Variants in ASTN1 observed in about 807,000 individuals in gnomAD.
ASTN1 encodes the protein astrotactin-1.
ASTN1 carries 41 observed loss-of-function variants against 140.7 expected under a neutral mutation model. The ratio of observed to expected loss-of-function variants is 0.29; its 90% CI spans 0.23 to 0.38. The LOEUF is 0.38. Among genes scored for constraint, ASTN1 ranks in the 10% least tolerant of loss-of-function variants. The probability of loss-of-function intolerance (pLI) is 1.00; values close to 1 mark genes in which losing one functional copy is unlikely to be tolerated. For missense variants in ASTN1, 1,479 were observed against 1,678.8 expected (o/e 0.88, Z 2.08); for synonymous variants, 640 against 652.2 (o/e 0.98, Z 0.29).
intron 16 of ASTN1, among the ~76,000 whole-genome samples, chr1:176,913,887 G>A (rs1212472526): frequency 2.6e-5 from 4 of 152,214 alleles, no homozygotes; most frequent in Non-Finnish European, 4.4e-5. Flanking sequence ...GGGGGAAGAA[G>A]AAAAGTTTAA....
chr1:176,978,464 G>A (rs1419001821), intron 8 of ASTN1, among the ~76,000 whole-genome samples: 1 of 152,184 alleles, frequency 6.6e-6, no homozygotes, highest in Non-Finnish European at 1.5e-5. Context: ...ATTTGGAAGA[G>A]AAGGGCAATT....
chr1:176,955,965 T>C lies in ASTN1; in HGVS notation c.1887+1713A>G, dbSNP rs542205078. Among the ~76,000 whole-genome samples, 10 of 152,360 alleles carry C rather than the reference T, an allele frequency of 6.6e-5. No individual in the cohort carries two copies. In the East Asian group the frequency reaches 1.9e-3, roughly 29 times the overall value. On this transcript the variant is annotated intron_variant, in intron 11 of 22. Transcript: ENST00000361833. Reference sequence around the variant, plus strand: ...AGGCTCAAATCTGGATGAAGAAATATAAGCTGAATAGCTTTTTTTAAAAGT... The same window carrying C: ...AGGCTCAAATCTGGATGAAGAAATACAAGCTGAATAGCTTTTTTTAAAAGT...
chr1:177,129,009 G>A (rs915990304), intron 1 of ASTN1, among the ~76,000 whole-genome samples: 5 of 152,208 alleles, frequency 3.3e-5, no homozygotes, highest in Admixed American at 6.5e-5. Context: ...AAAGGATGGT[G>A]TTACCATCAG....
chr1:177,098,034 G>C (rs568047942), intron 1 of ASTN1, among the ~76,000 whole-genome samples: 10 of 152,278 alleles, frequency 6.6e-5, no homozygotes, highest in Admixed American at 5.2e-4. Flanking sequence ...GTAAATGTAA[G>C]TAAAGGATTT....
intron 1 of ASTN1, among the ~76,000 whole-genome samples, chr1:177,084,812 T>C (rs1679347366): frequency 6.7e-6 from 1 of 148,754 alleles, no homozygotes; most frequent in Non-Finnish European, 1.5e-5. Context: ...TACTGCCTTC[T>C]TTTTTTTTTC....
intron 5 of ASTN1, among the ~76,000 whole-genome samples, chr1:177,028,419 T>G (rs993787350): frequency 3.3e-5 from 5 of 152,142 alleles, no homozygotes; most frequent in Admixed American, 2.6e-4. Context: ...TGGAAAAACT[T>G]TTATTATACT....
chr1:176,969,566 G>A (rs1673044520), intron 8 of ASTN1, among the ~76,000 whole-genome samples: 2 of 152,116 alleles, frequency 1.3e-5, no homozygotes, highest in African/African-American at 4.8e-5. Context: ...AATGGTAAGA[G>A]TGTTGCCTCA....
chr1:177,155,984 G>A (rs908284238), intron 1 of ASTN1, among the ~76,000 whole-genome samples: 4 of 152,048 alleles, frequency 2.6e-5, no homozygotes, highest in Non-Finnish European at 4.4e-5. Context: ...TTAAAAGAAT[G>A]ATGGGGGCCA....
intron 16 of ASTN1, among the ~76,000 whole-genome samples, chr1:176,923,687 G>GA (rs1055185016): frequency 2.5e-4 from 37 of 148,696 alleles, no homozygotes; most frequent in Admixed American, 5.4e-4. Context: ...TGTAGGTACA[G>GA]AAAAAAAAAA....
intron 1 of ASTN1, among the ~76,000 whole-genome samples, chr1:177,116,429 T>C (rs1291766315): frequency 6.6e-6 from 1 of 152,194 alleles, no homozygotes; most frequent in Non-Finnish European, 1.5e-5. Flanking sequence ...GGACAACAAA[T>C]AGTTTATCAC....
chr1:177,009,991 T>C (rs1295567664), intron 8 of ASTN1, among the ~76,000 whole-genome samples: 2 of 152,194 alleles, frequency 1.3e-5, no homozygotes, highest in African/African-American at 2.4e-5. Context: ...TTTAACCTAA[T>C]TGTAATCTTC....
chr1:176,888,250 C>T, intron 17 of ASTN1, 46 bp from the exon 18 acceptor site: 2 of 1,604,692 alleles, frequency 1.2e-6, no homozygotes, highest in Non-Finnish European at 1.7e-6. Context: ...GAAGCCAGGG[C>T]TAGGCCATCA....
At chr1:176,898,981 C>T (rs1468211885) in intron 16 of ASTN1, among the ~76,000 whole-genome samples, 2 of 152,132 alleles carry the variant, frequency 1.3e-5, no homozygotes, top group South Asian at 4.2e-4. Context: ...AAAGAATACC[C>T]AGGTGTGGCT....
At chr1:176,865,728 T>C (rs751595587) in intron 22 of ASTN1, among the ~76,000 whole-genome samples, 6 of 152,218 alleles carry the variant, frequency 3.9e-5, no homozygotes, top group Non-Finnish European at 7.3e-5. Context: ...TCCGTTTTCA[T>C]GCTGCTGAGA....
intron 8 of ASTN1, among the ~76,000 whole-genome samples, chr1:176,971,414 A>G (rs1230487776): frequency 6.6e-6 from 1 of 152,204 alleles, no homozygotes; most frequent in East Asian, 1.9e-4. Context: ...GAAGTTAGTA[A>G]GAATAATGAT....
intron 16 of ASTN1, among the ~76,000 whole-genome samples, chr1:176,917,119 A>G (rs186625918): frequency 6.6e-6 from 1 of 152,212 alleles, no homozygotes; most frequent in East Asian, 1.9e-4. Context: ...CCAGATCTGG[A>G]GCCTCCTCTT....
At chr1:177,069,130 G>C (rs1678507682) in intron 1 of ASTN1, among the ~76,000 whole-genome samples, 1 of 152,120 alleles carries the variant, frequency 6.6e-6, no homozygotes, top group South Asian at 2.1e-4. Context: ...TATAAGGTAA[G>C]GAGTGGCTGT....
At chr1:176,876,841 G>A (rs1278525666) in intron 20 of ASTN1, among the ~76,000 whole-genome samples, 2 of 152,174 alleles carry the variant, frequency 1.3e-5, no homozygotes, top group Non-Finnish European at 2.9e-5. Flanking sequence ...TGGGTCTTGG[G>A]TTGTAATTTG....
At chr1:177,070,938 G>T (rs181496528) in intron 1 of ASTN1, among the ~76,000 whole-genome samples, 6 of 152,206 alleles carry the variant, frequency 3.9e-5, no homozygotes, top group Non-Finnish European at 5.9e-5. Flanking sequence ...CATTAATACT[G>T]TTTGTTGTCA....
Sources: allele counts gnomAD v4.1 joint callset (sites outside exome capture counted in the v4.1 genomes callset), GRCh38; gene constraint gnomAD v4.1.1; transcripts MANE v1.5; gene names NCBI Gene and HGNC (gene_info 2026-07-23, HGNC 2026-07-21).